UBAP2: variants seen among roughly 807,000 people sequenced by gnomAD.
UBAP2 encodes the protein ubiquitin associated protein 2.
UBAP2 carries 75 observed loss-of-function variants against 139.6 expected under a neutral mutation model. That is an observed-to-expected ratio of 0.54 (90% CI 0.45 to 0.65). UBAP2 has a LOEUF of 0.65. Among genes scored for constraint, UBAP2 ranks in the 30% least tolerant of loss-of-function variants. The pLI is 0.00. For missense variants in UBAP2, 1,368 were observed against 1,369.6 expected, an observed-to-expected ratio of 1.00 and a Z score of 0.02; for synonymous variants, 526 against 526.2, an observed-to-expected ratio of 1.00 and a Z score of 0.01.
intron 2 of UBAP2, among the ~76,000 whole-genome samples, chr9:34,002,916 C>T (rs898962733): frequency 9.2e-5 from 14 of 152,096 alleles, no homozygotes; most frequent in East Asian, 5.8e-4. Flanking sequence ...TTGAACCCCC[C>T]GAGCTTAAGC....
chr9:34,031,007 G>A (rs1284527434), intron 1 of UBAP2, among the ~76,000 whole-genome samples: 1 of 152,096 alleles, frequency 6.6e-6, no homozygotes. Context: ...CATTTTGGGA[G>A]GCCAAGGCAG....
intron 2 of UBAP2, chr9:34,011,514 T>G (rs1418743898): frequency 3.7e-6 from 2 of 534,130 alleles, no homozygotes; most frequent in African/African-American, 4.1e-5. Context: ...AAGTATTTTT[T>G]TTAACTTTAT....
intron 1 of UBAP2, among the ~76,000 whole-genome samples, chr9:34,035,514 A>ATATATATATAT (rs1554692767): frequency 4.4e-5 from 1 of 22,492 alleles, no homozygotes; most frequent in South Asian, 9.7e-4. Context: ...AAAAAAAAAA[A>ATATATATATAT]ATATATATAT....
intron 5 of UBAP2, among the ~76,000 whole-genome samples, chr9:33,987,518 G>A (rs1159608779): frequency 1.3e-5 from 2 of 152,116 alleles, no homozygotes; most frequent in East Asian, 3.9e-4. Context: ...TGAGGTGGGA[G>A]GATCACCTGA....
chr9:33,983,125 G>T (rs772012560), intron 6 of UBAP2, among the ~76,000 whole-genome samples: 2 of 151,894 alleles, frequency 1.3e-5, no homozygotes, highest in African/African-American at 4.8e-5. Context: ...TGATCTGCTC[G>T]CCTCGGCCTC....
At position 34,039,874 on chromosome 9, in the gene UBAP2, A is replaced by G. The variant is rs1039998695; in HGVS notation, c.-42+8951T>C. 3.1e-4 allele frequency among the ~76,000 whole-genome samples: 44 copies of G among 143,480 alleles called. 1 individual carries two copies. The highest frequency in any genetic ancestry group is 4.2e-4 in the Non-Finnish European group (28 of 65,908). The allele number at this position is 143,480 out of a possible 152,430, so 94.1% of individuals were successfully genotyped here. On this transcript the variant is annotated intron_variant, in intron 1 of 28. Coordinates refer to ENST00000379238, the MANE Select transcript of UBAP2 (RefSeq NM_001370062.2). Reference sequence around the variant, plus strand: ...AAAAAAAAAAAAAAAAAAAAAAAATACAAGCCGCACACGGTGGCTCACGTC... The same window carrying G: ...AAAAAAAAAAAAAAAAAAAAAAAATGCAAGCCGCACACGGTGGCTCACGTC...
chr9:33,985,872 A>C (rs572936004), intron 6 of UBAP2, among the ~76,000 whole-genome samples: 1 of 152,100 alleles, frequency 6.6e-6, no homozygotes, highest in African/African-American at 2.4e-5. Context: ...AAATACAAAA[A>C]TTAGCTGGGC....
At chr9:33,941,925 AAAACAT>A in intron 15 of UBAP2, 63 bp from the exon 16 acceptor site, 4 of 1,236,106 alleles carry the variant, frequency 3.2e-6, no homozygotes, top group Non-Finnish European at 4.6e-6. Context: ...TAAAAAAAAA[AAAACAT>A]AAACAGCTTC....
chr9:33,954,481 G>C (rs967320534), intron 11 of UBAP2, among the ~76,000 whole-genome samples: 1 of 152,132 alleles, frequency 6.6e-6, no homozygotes, highest in South Asian at 2.1e-4. Context: ...AGTGTAGTAG[G>C]ACCTGCCAGA....
In UBAP2 at chr9:33,948,440, G is replaced by C. The variant is rs752123544; in HGVS notation, c.1204C>G (p.Pro402Ala). The C allele has an allele frequency of 1.2e-6, 2 of 1,613,954 alleles. No homozygotes were observed. The highest frequency in any genetic ancestry group is 1.7e-6 in the Non-Finnish European group (2 of 1,179,998). The change falls in exon 13 of 29, where the codon CCT becomes GCT. Residue 402 changes from proline to alanine, a missense_variant. Coordinates refer to ENST00000379238, the MANE Select transcript of UBAP2 (RefSeq NM_001370062.2). ...AGGTCCCAAGAAGTAGTAGTTGTAG[G>C]GTGACTTGTACTATTCTGCTGTGTA... Reference protein sequence around the residue: ...PSTQQNSTSHPTTTTSWDLKP... With the variant: ...PSTQQNSTSHATTTTSWDLKP...
At position 34,017,032 on chromosome 9, in the gene UBAP2, A is replaced by T. The variant is rs776187739; in HGVS notation, c.99+18T>A. The T allele has an allele frequency of 9.5e-6, 14 of 1,480,368 alleles. No individual in the cohort carries two copies. The highest frequency in any genetic ancestry group is 1.4e-5 in the African/African-American group (1 of 68,994). The allele number at this position is 1,480,368 out of a possible 1,614,324, so 91.7% of individuals were successfully genotyped here. A position where few individuals can be genotyped will look rare whatever the true frequency, so the allele number is the denominator to read the frequency against. On this transcript the variant is annotated intron_variant, in intron 2 of 28. Transcript: ENST00000379238. ...GAAAAAAAAGGAAAAAAAAAAAAAGAGTTCCACAAAAACTTACCTGTACCA... is the reference window on the plus strand; with the variant it reads ...GAAAAAAAAGGAAAAAAAAAAAAAGTGTTCCACAAAAACTTACCTGTACCA...
intron 15 of UBAP2, among the ~76,000 whole-genome samples, chr9:33,942,727 CAA>C (rs544848249): frequency 1.6e-4 from 21 of 135,020 alleles, no homozygotes; most frequent in Admixed American, 2.3e-4. Context: ...GACCCTATCT[CAA>C]AAAAAAAAAA....
At chr9:33,963,146 A>G (rs940411372) in intron 9 of UBAP2, among the ~76,000 whole-genome samples, 1 of 152,186 alleles carries the variant, frequency 6.6e-6, no homozygotes, top group African/African-American at 2.4e-5. Flanking sequence ...AGCCTGAAGG[A>G]AAAACAGCGA....
chr9:34,019,688 TACAC>T (rs56358132), intron 1 of UBAP2, among the ~76,000 whole-genome samples: 4,379 of 144,826 alleles, frequency 0.03, 199 homozygotes, highest in African/African-American at 0.098. Context: ...TACATTTTAC[TACAC>T]ACACACACAC....
chr9:34,031,767 A>T (rs1825909483), intron 1 of UBAP2, among the ~76,000 whole-genome samples: 1 of 151,212 alleles, frequency 6.6e-6, no homozygotes, highest in African/African-American at 2.4e-5. Context: ...CCTGGGCAAC[A>T]CAGCAAGACC....
intron 2 of UBAP2, among the ~76,000 whole-genome samples, chr9:34,005,890 C>A (rs1823163796): frequency 2.6e-5 from 4 of 152,162 alleles, no homozygotes. Context: ...GAATATCAAT[C>A]CCTAAATAAT....
intron 11 of UBAP2, among the ~76,000 whole-genome samples, chr9:33,954,105 C>T (rs913170317): frequency 6.6e-6 from 1 of 151,992 alleles, no homozygotes; most frequent in Non-Finnish European, 1.5e-5. Context: ...CAGGGTTTCA[C>T]CATGTTGGAC....
At position 33,948,603 on chromosome 9, in the gene UBAP2, A is replaced by G. The variant is rs1457465062; in HGVS notation, c.1057-16T>C. On this transcript the variant is annotated splice_polypyrimidine_tract_variant and intron_variant, in intron 12 of 28. Transcript: ENST00000379238. ...GGACGGATGACTTTAAAAGGGGGAT[A>G]AAAGAACAAATCCTCAACAATACAG... is the stretch of plus-strand genomic sequence containing the variant. 6 of 1,610,226 alleles carry G rather than the reference A, an allele frequency of 3.7e-6. 1 individual carries two copies. The South Asian group carries it at 6.6e-5, about 18-fold the overall frequency.
intron 16 of UBAP2, among the ~76,000 whole-genome samples, chr9:33,936,088 A>C (rs1395989050): frequency 6.6e-6 from 1 of 152,116 alleles, no homozygotes; most frequent in African/African-American, 2.4e-5. Context: ...GGTTCAGGTG[A>C]TCCTCCCCCT....
Sources: allele counts gnomAD v4.1 joint callset (sites outside exome capture counted in the v4.1 genomes callset), GRCh38; gene constraint gnomAD v4.1.1; transcripts MANE v1.5; gene names NCBI Gene and HGNC (gene_info 2026-07-23, HGNC 2026-07-21).